Variants in TENM3 observed in about 807,000 individuals in gnomAD.
TENM3 encodes teneurin transmembrane protein 3.
In TENM3, 63 loss-of-function variants were observed where a neutral mutation model predicts 255.1. That is an observed-to-expected ratio of 0.25 (90% CI 0.20 to 0.30). TENM3 has a LOEUF of 0.30. Ranked by LOEUF, TENM3 falls within the 10% of genes least tolerant of loss-of-function variation. The pLI is 1.00. For missense variants in TENM3, 2,929 were observed against 3,461.1 expected (o/e 0.85, Z 3.86); for synonymous variants, 1,306 against 1,322.3 (o/e 0.99, Z 0.27).
intron 3 of TENM3, among the ~76,000 whole-genome samples, chr4:182,541,591 T>C (rs1740886323): frequency 6.6e-6 from 1 of 152,222 alleles, no homozygotes; most frequent in Non-Finnish European, 1.5e-5. Flanking sequence ...CATTATCTTA[T>C]GTAGTATATG....
the TENM3 span, among the ~76,000 whole-genome samples, chr4:181,931,171 TC>T: frequency 1.3e-5 from 2 of 152,160 alleles, no homozygotes; most frequent in Admixed American, 6.5e-5. Context: ...GCCAGGGCAA[TC>T]AGGCAAGAGA....
At position 182,769,183 on chromosome 4, in the gene TENM3, G is replaced by T. The variant is rs184164474; in HGVS notation, c.4893-4289G>T. Among the ~76,000 whole-genome samples the T allele has an allele frequency of 6.6e-5, 10 of 152,316 alleles. No individual in the cohort carries two copies. The East Asian group carries it at 1.9e-3, about 29-fold the overall frequency. ...TGGAAAGGTCTTTTTAAGACCTGGA[G>T]TCAGAGTATTTCAGAGGCTAGCTGG... is the stretch of plus-strand genomic sequence containing the variant. On this transcript the variant is annotated intron_variant, in intron 22 of 27. Transcript: ENST00000511685.
intron 3 of TENM3, among the ~76,000 whole-genome samples, chr4:182,412,547 G>T (rs1408021663): frequency 6.6e-6 from 1 of 152,018 alleles, no homozygotes; most frequent in Non-Finnish European, 1.5e-5. Context: ...GAGTAATAAG[G>T]GAAGTAATAA....
At chr4:181,916,910 C>G in the TENM3 span, among the ~76,000 whole-genome samples, 618 of 151,998 alleles carry the variant, frequency 4.1e-3, 17 homozygotes, top group South Asian at 0.059. Flanking sequence ...AGCAGCAGGA[C>G]TTGGAATTTA....
In TENM3 at chr4:182,252,010, C is replaced by T. The variant is rs2726823; in HGVS notation, c.-76+8534C>T. The stretch of plus-strand genomic sequence containing the variant: ...CCAGCCTGGCCAACATGGTGAAACC[C>T]CATCTCTACGAAAAATACAAAAACT... On this transcript the variant is annotated intron_variant, in intron 1 of 27. Coordinates refer to ENST00000511685, the MANE Select transcript of TENM3 (RefSeq NM_001080477.4). Among the ~76,000 whole-genome samples the T allele has an allele frequency of 4.5e-3, 690 of 152,044 alleles. 4 individuals carry two copies. The highest frequency in any genetic ancestry group is 0.016 in the African/African-American group (657 of 41,464).
intron 3 of TENM3, among the ~76,000 whole-genome samples, chr4:182,517,883 T>C (rs1381883259): frequency 1.3e-5 from 2 of 152,104 alleles, no homozygotes; most frequent in Non-Finnish European, 2.9e-5. Flanking sequence ...TAAAACAAAT[T>C]TAGAAGTATA....
At chr4:182,729,542 T>C (rs948565825) in intron 14 of TENM3, among the ~76,000 whole-genome samples, 3 of 151,908 alleles carry the variant, frequency 2.0e-5, no homozygotes, top group African/African-American at 7.3e-5. Context: ...CACTAAATAA[T>C]ATAAATTATG....
the TENM3 span, among the ~76,000 whole-genome samples, chr4:182,022,551 A>T: frequency 6.6e-6 from 1 of 151,774 alleles, no homozygotes; most frequent in East Asian, 1.9e-4. Context: ...AAAAAAATCC[A>T]AAAAGAAAAG....
At chr4:181,644,243 G>A in the TENM3 span, among the ~76,000 whole-genome samples, 1 of 152,094 alleles carries the variant, frequency 6.6e-6, no homozygotes, top group East Asian at 1.9e-4. Flanking sequence ...GGAAGATAGA[G>A]CCCGTAATAG....
chr4:181,669,041 T>C, the TENM3 span, among the ~76,000 whole-genome samples: 2 of 152,138 alleles, frequency 1.3e-5, no homozygotes. Flanking sequence ...CATAGGTCAT[T>C]AGTAGTAACT....
intron 27 of TENM3, among the ~76,000 whole-genome samples, chr4:182,798,450 C>T (rs1246228950): frequency 2.0e-5 from 3 of 152,210 alleles, no homozygotes; most frequent in South Asian, 4.1e-4. Context: ...ATACAGCCTA[C>T]GTGTGCAGTA....
the TENM3 span, among the ~76,000 whole-genome samples, chr4:181,581,853 C>A: frequency 6.6e-6 from 1 of 151,936 alleles, no homozygotes; most frequent in African/African-American, 2.4e-5. Flanking sequence ...CTGCCTCAGC[C>A]TCCTGAGTAG....
the TENM3 span, among the ~76,000 whole-genome samples, chr4:182,042,144 A>T: frequency 6.6e-6 from 1 of 152,076 alleles, no homozygotes; most frequent in South Asian, 2.1e-4. Context: ...TTTGTTGGGG[A>T]GTTCTCTTGT....
At chr4:182,442,877 CACAT>C (rs369898364) in intron 3 of TENM3, among the ~76,000 whole-genome samples, 6,523 of 131,240 alleles carry the variant, frequency 0.05, 196 homozygotes, top group Non-Finnish European at 0.069. Flanking sequence ...CACACACACA[CACAT>C]ATATATATAT....
intron 5 of TENM3, among the ~76,000 whole-genome samples, chr4:182,652,899 A>G (rs1753438487): frequency 6.6e-6 from 1 of 152,220 alleles, no homozygotes; most frequent in Admixed American, 6.5e-5. Flanking sequence ...GTGCAGCACA[A>G]ATGAATGTTT....
chr4:182,023,554 C>T, the TENM3 span, among the ~76,000 whole-genome samples: 4 of 152,164 alleles, frequency 2.6e-5, no homozygotes, highest in Admixed American at 6.5e-5. Context: ...AATTTCTGAC[C>T]GACCCCTCCT....
At chr4:181,593,992 G>C in the TENM3 span, among the ~76,000 whole-genome samples, 1 of 109,692 alleles carries the variant, frequency 9.1e-6, no homozygotes, top group African/African-American at 3.1e-5. Context: ...AACTCTGCAG[G>C]AGTTTTTTTT....
rs1357598082 is a variant in TENM3 at position 182,802,882 on chromosome 4, CATG to C, written c.*2534_*2536del. 1 of 152,624 alleles carries C rather than the reference CATG, an allele frequency of 6.6e-6. No individual in the cohort carries two copies. The highest frequency in any genetic ancestry group is 1.5e-5 in the Non-Finnish European group (1 of 68,020). 9.5% of individuals were successfully genotyped at this position (152,624 alleles called of 1,614,324 possible). On this transcript the variant is annotated 3_prime_UTR_variant, in exon 28 of 28. Transcript: ENST00000511685. ...TAGGCAAAGCCAGTCAAAATGCTTT[CATG>C]ATATTTTGAGATGTAAATTTTGTCT...
chr4:181,907,638 T>A, the TENM3 span, among the ~76,000 whole-genome samples: 1 of 151,814 alleles, frequency 6.6e-6, no homozygotes, highest in East Asian at 1.9e-4. Flanking sequence ...AGATACATCC[T>A]AAGGAAGGAA....
Sources: gnomAD v4.1 joint callset for allele counts (sites outside exome capture counted in the v4.1 genomes callset) on GRCh38, gnomAD v4.1.1 for gene constraint, MANE v1.5 for transcripts, NCBI Gene and HGNC (gene_info 2026-07-23, HGNC 2026-07-21) for gene names.